The following VPS13B variants were observed in gnomAD, a reference collection of about 807,000 sequenced individuals.
The protein encoded by VPS13B is vacuolar protein sorting 13 homolog B, also known as intermembrane lipid transfer protein VPS13B.
VPS13B carries 285 observed loss-of-function variants against 426.4 expected under a neutral mutation model. The observed-to-expected ratio is 0.67, with a 90% CI of 0.61 to 0.74. The LOEUF is 0.74. VPS13B is among the 30% of genes least tolerant of loss of function. The pLI is 0.00. For missense variants in VPS13B, 4,537 were observed against 4,782.6 expected (o/e 0.95, Z 1.51); for synonymous variants, 1,676 against 1,676.4 (o/e 1.00, Z 0.01).
chr8:99,659,132 A>C (rs1038068829), intron 34 of VPS13B, among the ~76,000 whole-genome samples: 2 of 152,040 alleles, frequency 1.3e-5, no homozygotes, highest in African/African-American at 4.8e-5. Flanking sequence ...CAGTTTTTTT[A>C]GTCTTAGCCT....
rs1016483804 is a variant in VPS13B at position 99,876,906 on chromosome 8, A to G, written c.*1240A>G. ...CATTCTGTCACCCAGGCTAGAGTAC[A>G]GTGGGAACAGTCATGGCTCACTGCA... On this transcript the variant is annotated 3_prime_UTR_variant, in exon 62 of 62. Coordinates refer to ENST00000357162, the MANE Select transcript of VPS13B (RefSeq NM_152564.5). 6.6e-6 allele frequency: 1 copy of G among 152,214 alleles called. No homozygotes were observed. Among genetic ancestry groups the G allele is most frequent in the African/African-American group, 2.4e-5 (1 of 41,452 alleles). 9.4% of individuals were successfully genotyped at this position (152,214 alleles called of 1,614,324 possible).
intron 35 of VPS13B, among the ~76,000 whole-genome samples, chr8:99,685,862 T>G (rs1831372693): frequency 6.6e-6 from 1 of 152,138 alleles, no homozygotes; most frequent in South Asian, 2.1e-4. Flanking sequence ...GTACCTTAGT[T>G]TGTTTGGTGA....
chr8:99,088,523 T>TA (rs1845968225), intron 3 of VPS13B, among the ~76,000 whole-genome samples: 1 of 152,126 alleles, frequency 6.6e-6, no homozygotes, highest in African/African-American at 2.4e-5. Flanking sequence ...GTTGCAGAGT[T>TA]ATGAGTTTTG....
intron 16 of VPS13B, among the ~76,000 whole-genome samples, chr8:99,176,203 C>A (rs934582470): frequency 6.6e-6 from 1 of 151,804 alleles, no homozygotes; most frequent in Non-Finnish European, 1.5e-5. Flanking sequence ...GTGGCATGAT[C>A]TTGGCTCACT....
rs1428167368 is a variant in VPS13B at position 99,511,408 on chromosome 8, G to A, written c.4529G>A (p.Arg1510Lys). 6.2e-7 allele frequency: 1 copy of A among 1,613,748 alleles called. No homozygotes were observed. Among genetic ancestry groups the A allele is most frequent in the Non-Finnish European group, 8.5e-7 (1 of 1,179,958 alleles). The change falls in exon 29 of 62, where the codon AGG (arginine) becomes AAG (lysine). Residue 1510 changes from arginine (R) to lysine (K), a missense_variant. Around this residue, in one of 2 missense-constraint regions of VPS13B, gnomAD observed 4,311 missense variants for 4,474.3 expected, o/e 0.96. Coordinates refer to ENST00000357162, the MANE Select transcript of VPS13B (RefSeq NM_152564.5). The stretch of plus-strand genomic sequence containing the variant: ...AGAAAATCTCCTGGTCAGCCCATGA[G>A]GACCCATACACTGACATCCCGCAAT... ...EKRKSPGQPM[R>K]THTLTSRNLP...
intron 17 of VPS13B, among the ~76,000 whole-genome samples, chr8:99,234,792 A>G (rs941156968): frequency 2.0e-5 from 3 of 152,320 alleles, no homozygotes; most frequent in South Asian, 2.1e-4. Flanking sequence ...TACATTTTCT[A>G]TTTAATTGCA....
At chr8:99,127,946 CTGTTAGGACA>C (rs1809517822) in intron 8 of VPS13B, among the ~76,000 whole-genome samples, 1 of 151,940 alleles carries the variant, frequency 6.6e-6, no homozygotes, top group African/African-American at 2.4e-5. Context: ...AGTATTCAGT[CTGTTAGGACA>C]TGTTTTAATT....
At chr8:99,372,249 C>CAAAAAAA (rs34602174) in intron 19 of VPS13B, among the ~76,000 whole-genome samples, 1 of 84,668 alleles carries the variant, frequency 1.2e-5, no homozygotes, top group African/African-American at 3.9e-5. Context: ...GACTCCGTCT[C>CAAAAAAA]AAAAAAAAAA....
chr8:99,560,483 A>T (rs187757337), intron 31 of VPS13B, among the ~76,000 whole-genome samples: 8 of 152,294 alleles, frequency 5.3e-5, no homozygotes. Context: ...GAGGACAGAG[A>T]TCATCGCCAT....
chr8:99,464,921 T>C (rs1418038789), intron 23 of VPS13B, among the ~76,000 whole-genome samples: 1 of 152,212 alleles, frequency 6.6e-6, no homozygotes, highest in Non-Finnish European at 1.5e-5. Flanking sequence ...CAAATTCACA[T>C]ACAAAGAGAT....
rs140169335 is a variant in VPS13B at position 99,691,376 on chromosome 8, T to C, written c.6047-8149T>C. Among the ~76,000 whole-genome samples the C allele has an allele frequency of 1.7e-4, 26 of 152,196 alleles. No individual in the cohort carries two copies. In the East Asian group the frequency reaches 5.0e-3, roughly 29 times the overall value. ...CTATTGAAAGGTAATTTTTGTGGCATGTGAGTTATATGTCAATAAGGTGTT... is the reference window on the plus strand; with the variant it reads ...CTATTGAAAGGTAATTTTTGTGGCACGTGAGTTATATGTCAATAAGGTGTT... On this transcript the variant is annotated intron_variant, in intron 35 of 61. Coordinates refer to ENST00000357162, the MANE Select transcript of VPS13B (RefSeq NM_152564.5).
In VPS13B at chr8:99,096,539, T is replaced by G. The variant is rs1846431435; in HGVS notation, c.412+107T>G. 2.1e-5 allele frequency: 32 copies of G among 1,497,512 alleles called. 1 individual carries two copies. In the South Asian group the frequency reaches 3.5e-4, roughly 16 times the overall value. 92.8% of individuals were successfully genotyped at this position (1,497,512 alleles called of 1,614,324 possible). A position where few individuals can be genotyped will look rare whatever the true frequency, so the allele number is the denominator to read the frequency against. On this transcript the variant is annotated intron_variant, in intron 4 of 61. Coordinates refer to ENST00000357162, the MANE Select transcript of VPS13B (RefSeq NM_152564.5). ...GGGGGGCTGAGGCGGGTGGATTACT[T>G]GAGGTCAGGAGTTTGAGACCAGCCT...
intron 23 of VPS13B, among the ~76,000 whole-genome samples, chr8:99,461,097 G>A (rs1588404020): frequency 6.6e-6 from 1 of 151,724 alleles, no homozygotes; most frequent in Non-Finnish European, 1.5e-5. Context: ...TCCTTATTTG[G>A]CCATAACTGC....
intron 33 of VPS13B, among the ~76,000 whole-genome samples, chr8:99,583,309 A>G (rs1385725034): frequency 1.3e-5 from 2 of 152,188 alleles, no homozygotes; most frequent in Non-Finnish European, 2.9e-5. Context: ...TAAATTAGTA[A>G]ATTGACCAAT....
chr8:99,714,393 A>G (rs1563877867), intron 36 of VPS13B, among the ~76,000 whole-genome samples: 2 of 152,288 alleles, frequency 1.3e-5, no homozygotes, highest in Middle Eastern at 3.4e-3. Context: ...GCTCTAAATA[A>G]GGGAAATAGG....
intron 39 of VPS13B, among the ~76,000 whole-genome samples, chr8:99,752,422 A>T (rs1405991350): frequency 6.6e-6 from 1 of 152,162 alleles, no homozygotes; most frequent in Non-Finnish European, 1.5e-5. Flanking sequence ...ATAAAATTTT[A>T]TTGGAACATA....
intron 23 of VPS13B, among the ~76,000 whole-genome samples, chr8:99,446,005 A>G (rs1438150216): frequency 6.6e-6 from 1 of 152,190 alleles, no homozygotes; most frequent in Admixed American, 6.5e-5. Context: ...ATGTCAATAC[A>G]TTGGTATGAC....
chr8:99,646,752 G>A (rs1016126813), intron 34 of VPS13B, among the ~76,000 whole-genome samples: 3 of 152,234 alleles, frequency 2.0e-5, no homozygotes, highest in Admixed American at 6.5e-5. Context: ...TTAGTGATAA[G>A]TAAGTTCTTG....
Position 99,536,741 on chromosome 8 carries a change from G to A in VPS13B, c.4745+15731G>A, listed in dbSNP as rs200127975. On this transcript the variant is annotated intron_variant, in intron 30 of 61. Transcript: ENST00000357162. ...GGACAGCATGTCTTTGGCATTAAAC[G>A]TATTCCCAGTCATTAAAGTTCTGAA... 99 of 533,346 alleles carry A rather than the reference G, an allele frequency of 1.9e-4. 1 individual carries two copies. The highest frequency in any genetic ancestry group is 3.9e-5 in the Non-Finnish European group (10 of 259,550). The allele number at this position is 533,346 out of a possible 1,614,324, so 33.0% of individuals were successfully genotyped here.
Sources: gnomAD v4.1 joint callset for allele counts (sites outside exome capture counted in the v4.1 genomes callset) on GRCh38, gnomAD v4.1.1 for gene constraint, gnomAD v4.1.1 regional missense constraint, MANE v1.5 for transcripts, NCBI Gene and HGNC (gene_info 2026-07-23, HGNC 2026-07-21) for gene names.